PPM1G: variants seen among roughly 807,000 people sequenced by gnomAD.
PPM1G encodes protein phosphatase 1G.
Under a neutral mutation model 59.4 loss-of-function variants are expected in PPM1G, and 12 were observed. The observed-to-expected ratio is 0.20, with a 90% CI of 0.13 to 0.33. PPM1G has a LOEUF of 0.33. Ranked by LOEUF, PPM1G falls within the 10% of genes least tolerant of loss-of-function variation. PPM1G has a pLI of 1.00. For synonymous variants in PPM1G, 245 were observed against 251.9 expected (o/e 0.97, Z 0.26); for missense variants, 392 against 681.3 (o/e 0.58, Z 4.73).
intron 1 of PPM1G, among the ~76,000 whole-genome samples, chr2:27,400,814 AAC>A: frequency 6.6e-6 from 1 of 152,184 alleles, no homozygotes. Flanking sequence ...TTACACAGGC[AAC>A]AGACTTGGTG....
rs70953857 is a variant in PPM1G at position 27,392,286 on chromosome 2, G to GTTTT, written c.121-5132_121-5129dup. Among the ~76,000 whole-genome samples the GTTTT allele has an allele frequency of 3.3e-3, 230 of 70,306 alleles. 15 individuals are homozygous for GTTTT. Among genetic ancestry groups the GTTTT allele is most frequent in the African/African-American group, 0.012 (190 of 16,178 alleles). The allele number at this position is 70,306 out of a possible 152,430, so 46.1% of individuals were successfully genotyped here. A position where few individuals can be genotyped will look rare whatever the true frequency, so the allele number is the denominator to read the frequency against. On this transcript the variant is annotated intron_variant, in intron 1 of 9. Transcript: ENST00000344034. Reference sequence around the variant, plus strand: ...TTACTTTGTTTTGTTGGTTTGTTTTGTTTTTTTTTTTTTTTTTTTTTTTTG... The same window carrying GTTTT: ...TTACTTTGTTTTGTTGGTTTGTTTTGTTTTTTTTTTTTTTTTTTTTTTTTTTTTG...
At chr2:27,389,046 C>T (rs1302706480) in intron 1 of PPM1G, among the ~76,000 whole-genome samples, 3 of 152,012 alleles carry the variant, frequency 2.0e-5, no homozygotes, top group Non-Finnish European at 4.4e-5. Context: ...ACAAACACAC[C>T]TAAGAACTGG....
chr2:27,406,566 T>C (rs1457888908), intron 1 of PPM1G, among the ~76,000 whole-genome samples: 2 of 152,208 alleles, frequency 1.3e-5, no homozygotes, highest in Non-Finnish European at 2.9e-5. Flanking sequence ...AAGATTAGGA[T>C]GTAAGGAATA....
chr2:27,408,776 G>T (rs754859060), intron 1 of PPM1G, among the ~76,000 whole-genome samples: 1 of 152,166 alleles, frequency 6.6e-6, no homozygotes, highest in Non-Finnish European at 1.5e-5. Context: ...AAATTAACAT[G>T]CAAGAGCCCA....
intron 1 of PPM1G, among the ~76,000 whole-genome samples, chr2:27,402,760 CCG>C (rs1684209853): frequency 6.6e-6 from 1 of 151,124 alleles, no homozygotes; most frequent in Non-Finnish European, 1.5e-5. Flanking sequence ...GTAGCTGAGA[CCG>C]CGCAACTGCA....
At position 27,384,664 on chromosome 2, in the gene PPM1G, G is replaced by C; in HGVS notation, c.825+9C>G. On this transcript the variant is annotated intron_variant, in intron 5 of 9. Coordinates refer to ENST00000344034, the MANE Select transcript of PPM1G (RefSeq NM_177983.3). The surrounding 1 kb of genome is among the most constrained non-coding windows in gnomAD (Gnocchi z 4.8). ...ACTTCAGCATCTGCCTGCCCTCACAGGCCCTTACCTCACTGTCTTCCTCTT... is the reference window on the plus strand; with the variant it reads ...ACTTCAGCATCTGCCTGCCCTCACACGCCCTTACCTCACTGTCTTCCTCTT... The C allele has an allele frequency of 3.1e-6, 5 of 1,595,956 alleles. No individual in the cohort carries two copies. The highest frequency in any genetic ancestry group is 3.4e-6 in the Non-Finnish European group (4 of 1,167,318).
In PPM1G at chr2:27,409,436, C is replaced by A; in HGVS notation, c.-14G>T. 1 of 1,502,570 alleles carries A rather than the reference C, an allele frequency of 6.7e-7. No individual in the cohort carries two copies. The highest frequency in any genetic ancestry group is 8.9e-7 in the Non-Finnish European group (1 of 1,126,790). 93.1% of individuals were successfully genotyped at this position (1,502,570 alleles called of 1,614,324 possible). ...GTAGGCACCCATGGCGGCGGCTGGCCGGCGGCCTCAGGTGCAGGAAAGCTG... is the reference window on the plus strand; with the variant it reads ...GTAGGCACCCATGGCGGCGGCTGGCAGGCGGCCTCAGGTGCAGGAAAGCTG... On this transcript the variant is annotated 5_prime_UTR_variant, in exon 1 of 10. Coordinates refer to ENST00000344034, the MANE Select transcript of PPM1G (RefSeq NM_177983.3).
rs562718923 is a variant in PPM1G, at chr2:27,383,259, A to G, written c.1201+107T>C. The G allele has an allele frequency of 1.1e-6, 1 of 928,514 alleles. No homozygotes were observed. The highest frequency in any genetic ancestry group is 1.6e-5 in the African/African-American group (1 of 60,872). The allele number at this position is 928,514 out of a possible 1,614,324, so 57.5% of individuals were successfully genotyped here. A position where few individuals can be genotyped will look rare whatever the true frequency, so the allele number is the denominator to read the frequency against. On this transcript the variant is annotated intron_variant, in intron 7 of 9. Coordinates refer to ENST00000344034, the MANE Select transcript of PPM1G (RefSeq NM_177983.3). This position sits in a 1 kb window ranked among gnomAD's most constrained non-coding sequence, Gnocchi z 5.0. ...TATAAGAACAGAGGTAGTAGATATT[A>G]AAGTGCTTTGAAAGGCACAAGCACT...
At chr2:27,407,762 G>A (rs1366342818) in intron 1 of PPM1G, among the ~76,000 whole-genome samples, 1 of 152,158 alleles carries the variant, frequency 6.6e-6, no homozygotes, top group East Asian at 1.9e-4. Flanking sequence ...ATAAAATGTG[G>A]GAGCCGCAGG....
At chr2:27,387,250 C>T (rs1305785926) in intron 1 of PPM1G, 92 bp from the exon 2 acceptor site, 8 of 1,008,076 alleles carry the variant, frequency 7.9e-6, no homozygotes, top group Non-Finnish European at 1.1e-5. Flanking sequence ...TAACCTTTCC[C>T]TGGCTGGCCT....
At chr2:27,389,915 G>A (rs944547964) in intron 1 of PPM1G, among the ~76,000 whole-genome samples, 2 of 152,200 alleles carry the variant, frequency 1.3e-5, no homozygotes, top group Non-Finnish European at 2.9e-5. Context: ...GCTGCAGAAA[G>A]CTATGATGCA....
chr2:27,382,632 A>T lies in PPM1G; in HGVS notation c.1202-27T>A. On this transcript the variant is annotated intron_variant, in intron 7 of 9. Transcript: ENST00000344034. This position sits in a 1 kb window ranked among gnomAD's most constrained non-coding sequence, Gnocchi z 4.2. ...TGGAGTAAAGGAATGGTTGATGAGC[A>T]GTTTGGATACTTCCCACAGACTTGT... 1 of 1,613,684 alleles carries T rather than the reference A, an allele frequency of 6.2e-7. No homozygotes were observed. The highest frequency in any genetic ancestry group is 8.5e-7 in the Non-Finnish European group (1 of 1,179,742).
At position 27,386,082 on chromosome 2, in the gene PPM1G, A is replaced by G. The variant is rs150821485; in HGVS notation, c.276+112T>C. The G allele has an allele frequency of 3.3e-4, 417 of 1,252,632 alleles. 2 individuals carry two copies. The African/African-American group carries it at 5.4e-3, about 16-fold the overall frequency. 77.6% of individuals were successfully genotyped at this position (1,252,632 alleles called of 1,614,324 possible). On this transcript the variant is annotated intron_variant, in intron 3 of 9. Coordinates refer to ENST00000344034, the MANE Select transcript of PPM1G (RefSeq NM_177983.3). Reference sequence around the variant, plus strand: ...CTCGTTTTAGGAACAGAATTCTTCAAGAGTAAATAAGCAGCAGCAGCTAGA... The same window carrying G: ...CTCGTTTTAGGAACAGAATTCTTCAGGAGTAAATAAGCAGCAGCAGCTAGA...
intron 1 of PPM1G, among the ~76,000 whole-genome samples, chr2:27,399,124 G>A (rs1415589867): frequency 6.6e-6 from 1 of 150,764 alleles, no homozygotes; most frequent in Non-Finnish European, 1.5e-5. Flanking sequence ...TGGGTGGTCA[G>A]AGCAAGACTG....
intron 1 of PPM1G, among the ~76,000 whole-genome samples, chr2:27,399,573 CT>C (rs1684134469): frequency 6.6e-6 from 1 of 152,178 alleles, no homozygotes; most frequent in South Asian, 2.1e-4. Flanking sequence ...GCTAGGGAGG[CT>C]GAGGCAGGAG....
chr2:27,404,703 G>C (rs1228147360), intron 1 of PPM1G, among the ~76,000 whole-genome samples: 1 of 152,038 alleles, frequency 6.6e-6, no homozygotes, highest in Non-Finnish European at 1.5e-5. Flanking sequence ...CCAGCACTTT[G>C]GGAGGCCGAG....
chr2:27,400,997 C>G (rs562203509), intron 1 of PPM1G, among the ~76,000 whole-genome samples: 51 of 152,304 alleles, frequency 3.3e-4, no homozygotes, highest in African/African-American at 9.4e-4. Context: ...AAGTGGAGAT[C>G]AAGTCCCTCT....
chr2:27,408,144 C>A (rs1663424342), intron 1 of PPM1G, among the ~76,000 whole-genome samples: 1 of 151,968 alleles, frequency 6.6e-6, no homozygotes, highest in African/African-American at 2.4e-5. Context: ...TTATTAAGGT[C>A]AGTTATGAAT....
intron 1 of PPM1G, among the ~76,000 whole-genome samples, chr2:27,404,604 G>A (rs180975086): frequency 6.6e-6 from 1 of 151,324 alleles, no homozygotes. Flanking sequence ...CACTTCCAGA[G>A]AACCTCACAA....
Sources: gnomAD v4.1 joint callset for allele counts (sites outside exome capture counted in the v4.1 genomes callset) on GRCh38, gnomAD v4.1.1 for gene constraint, Gnocchi (gnomAD v3.1) non-coding constraint, MANE v1.5 for transcripts, NCBI Gene and HGNC (gene_info 2026-07-23, HGNC 2026-07-21) for gene names.